The following SLC22A3 variants were observed in gnomAD, a reference collection of about 807,000 sequenced individuals.
SLC22A3 encodes the protein EMT organic cation transporter 3.
In SLC22A3, 51 loss-of-function variants were observed where a neutral mutation model predicts 59.1. That is an observed-to-expected ratio of 0.86 (90% CI 0.69 to 1.09). The LOEUF (loss-of-function observed/expected upper bound fraction) is 1.09. SLC22A3 is among the 50% of genes least tolerant of loss of function. SLC22A3 has a pLI of 0.00. For synonymous variants in SLC22A3, 325 were observed against 292.0 expected, an observed-to-expected ratio of 1.11 and a Z score of -1.15; for missense variants, 711 against 726.3, an observed-to-expected ratio of 0.98 and a Z score of 0.24.
intron 7 of SLC22A3, among the ~76,000 whole-genome samples, chr6:160,438,342 A>G (rs943033901): frequency 2.0e-5 from 3 of 152,132 alleles, no homozygotes; most frequent in Non-Finnish European, 4.4e-5. Flanking sequence ...CTTCCAGGAA[A>G]GGCAAAGTGG....
At chr6:160,401,854 GA>G (rs1786796773) in intron 2 of SLC22A3, among the ~76,000 whole-genome samples, 1 of 151,632 alleles carries the variant, frequency 6.6e-6, no homozygotes, top group Non-Finnish European at 1.5e-5. Flanking sequence ...ACTAAAAAAA[GA>G]TTTTTTTTAA....
intron 1 of SLC22A3, among the ~76,000 whole-genome samples, chr6:160,364,188 A>G (rs944442301): frequency 3.9e-5 from 6 of 152,224 alleles, no homozygotes; most frequent in South Asian, 2.1e-4. Context: ...TTAAGGAAGA[A>G]GAAGTCTGGG....
chr6:160,373,556 T>C (rs1785477391), intron 1 of SLC22A3, among the ~76,000 whole-genome samples: 2 of 152,220 alleles, frequency 1.3e-5, no homozygotes, highest in South Asian at 2.1e-4. Flanking sequence ...TCTGCTGCTA[T>C]GTTCAGAGCT....
intron 5 of SLC22A3, among the ~76,000 whole-genome samples, chr6:160,424,779 C>G (rs888808182): frequency 2.6e-5 from 4 of 152,108 alleles, no homozygotes; most frequent in Non-Finnish European, 5.9e-5. Flanking sequence ...ATTTCAGAGC[C>G]AACACATGAC....
At chr6:160,434,843 G>T (rs1254979615) in intron 5 of SLC22A3, among the ~76,000 whole-genome samples, 1 of 152,096 alleles carries the variant, frequency 6.6e-6, no homozygotes, top group Non-Finnish European at 1.5e-5. Flanking sequence ...ATGAAACAAG[G>T]CCCCAAAAAT....
chr6:160,436,721 A>T, intron 5 of SLC22A3, 59 bp from the exon 6 acceptor site: 1 of 1,081,314 alleles, frequency 9.2e-7, no homozygotes, highest in Non-Finnish European at 1.4e-6. Flanking sequence ...ACAAGTCTAT[A>T]CTATGCAGGT....
At chr6:160,354,196 A>G (rs1354769446) in intron 1 of SLC22A3, among the ~76,000 whole-genome samples, 1 of 152,212 alleles carries the variant, frequency 6.6e-6, no homozygotes, top group African/African-American at 2.4e-5. Flanking sequence ...AGTGGAAAGA[A>G]TACACATGTC....
At chr6:160,422,518 C>T (rs1338495141) in intron 5 of SLC22A3, among the ~76,000 whole-genome samples, 2 of 152,170 alleles carry the variant, frequency 1.3e-5, no homozygotes, top group African/African-American at 4.8e-5. Context: ...ATACAAACAG[C>T]GTGCGGCCCA....
chr6:160,373,396 C>A (rs1785471733), intron 1 of SLC22A3, among the ~76,000 whole-genome samples: 1 of 152,166 alleles, frequency 6.6e-6, no homozygotes, highest in Non-Finnish European at 1.5e-5. Flanking sequence ...CTCAGAGGGG[C>A]ACTCACCAGA....
chr6:160,382,808 G>A (rs1785846199), intron 1 of SLC22A3, among the ~76,000 whole-genome samples: 1 of 152,106 alleles, frequency 6.6e-6, no homozygotes, highest in Non-Finnish European at 1.5e-5. Flanking sequence ...AGGAAAAATT[G>A]TCTTAATGAA....
At chr6:160,429,583 A>C (rs1458099336) in intron 5 of SLC22A3, among the ~76,000 whole-genome samples, 8 of 152,176 alleles carry the variant, frequency 5.3e-5, no homozygotes, top group Admixed American at 5.2e-4. Context: ...AGTGCTTCTC[A>C]TGCTAGTCTC....
chr6:160,439,925 T>C (rs1289875897), intron 7 of SLC22A3, among the ~76,000 whole-genome samples: 1 of 152,204 alleles, frequency 6.6e-6, no homozygotes, highest in Non-Finnish European at 1.5e-5. Context: ...GAGAAAGGCT[T>C]TTCTGCTCAG....
At position 160,407,153 on chromosome 6, in the gene SLC22A3, G is replaced by C. The variant is rs1562488185; in HGVS notation, c.646G>C (p.Gly216Arg). 6.2e-7 allele frequency: 1 copy of C among 1,612,046 alleles called. No homozygotes were observed. The change falls in exon 3 of 11, where the codon GGT (glycine) becomes CGT (arginine). Residue 216 changes from glycine (G) to arginine (R), a missense_variant. By Grantham distance (125) the Gly-to-Arg change is moderately radical (BLOSUM62 -2). Transcript: ENST00000275300. ...GTTTGTGATCTTCCGCTTCCTGCAAGGTGTATTTGGAAAGGGGACGTGGAT... is the reference window on the plus strand; with the variant it reads ...GTTTGTGATCTTCCGCTTCCTGCAACGTGTATTTGGAAAGGGGACGTGGAT... ...PVFVIFRFLQGVFGKGTWMTC... is the reference protein window; with the variant it reads ...PVFVIFRFLQRVFGKGTWMTC...
chr6:160,355,797 C>CAA (rs149575505), intron 1 of SLC22A3, among the ~76,000 whole-genome samples: 2 of 150,458 alleles, frequency 1.3e-5, no homozygotes, highest in Non-Finnish European at 3.0e-5. Context: ...ACAACAACAA[C>CAA]AAAAAACTTG....
chr6:160,421,155 A>G (rs1248314950), intron 5 of SLC22A3, among the ~76,000 whole-genome samples: 3 of 152,198 alleles, frequency 2.0e-5, no homozygotes, highest in Non-Finnish European at 4.4e-5. Flanking sequence ...CCCTTCCTAG[A>G]GACGGCTGCT....
intron 1 of SLC22A3, among the ~76,000 whole-genome samples, chr6:160,381,007 G>C (rs1785776131): frequency 6.6e-6 from 1 of 152,190 alleles, no homozygotes; most frequent in Admixed American, 6.6e-5. Flanking sequence ...ATATGCCAGT[G>C]CAGCCGAGAA....
intron 1 of SLC22A3, among the ~76,000 whole-genome samples, chr6:160,355,546 G>A (rs1488059056): frequency 1.3e-5 from 2 of 151,818 alleles, no homozygotes; most frequent in Non-Finnish European, 2.9e-5. Context: ...CAGATCACGA[G>A]GTCAGGAGAT....
chr6:160,412,206 T>C (rs1478409099), intron 5 of SLC22A3, among the ~76,000 whole-genome samples: 1 of 151,814 alleles, frequency 6.6e-6, no homozygotes, highest in Non-Finnish European at 1.5e-5. Flanking sequence ...TACTAAAAAA[T>C]AGAAAAATTA....
chr6:160,407,807 C>A (rs1306792390), intron 3 of SLC22A3, among the ~76,000 whole-genome samples: 2 of 152,170 alleles, frequency 1.3e-5, no homozygotes, highest in East Asian at 3.9e-4. Flanking sequence ...GGTTCCATTT[C>A]TAGCTTGGGA....
Sources: allele counts gnomAD v4.1 joint callset (sites outside exome capture counted in the v4.1 genomes callset), GRCh38; gene constraint gnomAD v4.1.1; transcripts MANE v1.5; gene names NCBI Gene and HGNC (gene_info 2026-07-23, HGNC 2026-07-21).